The following DEFB123 variants were observed in gnomAD, a reference collection of about 807,000 sequenced individuals.
The protein encoded by DEFB123 is beta-defensin 123.
For synonymous variants in DEFB123, 22 were observed against 28.3 expected, an observed-to-expected ratio of 0.78 and a Z score of 0.71; for missense variants, 71 against 75.0, an observed-to-expected ratio of 0.95 and a Z score of 0.20.
At chr20:31,446,621 T>C (rs1271318406) in intron 1 of DEFB123, among the ~76,000 whole-genome samples, 2 of 152,250 alleles carry the variant, frequency 1.3e-5, no homozygotes, top group African/African-American at 4.8e-5. Flanking sequence ...GCCGGTCTTG[T>C]GCAGTTCCTG....
chr20:31,449,442 C>T (rs1163809957), intron 1 of DEFB123, among the ~76,000 whole-genome samples: 3 of 152,128 alleles, frequency 2.0e-5, no homozygotes, highest in Admixed American at 1.3e-4. Context: ...CTAAATGCTG[C>T]AGATTTTACA....
At chr20:31,442,142 A>C (rs990861370) in intron 1 of DEFB123, among the ~76,000 whole-genome samples, 1 of 152,148 alleles carries the variant, frequency 6.6e-6, no homozygotes, top group Non-Finnish European at 1.5e-5. Flanking sequence ...CTTACAACCC[A>C]GGGTGACAAG....
At chr20:31,441,235 A>T (rs577516978) in intron 1 of DEFB123, among the ~76,000 whole-genome samples, 10 of 152,300 alleles carry the variant, frequency 6.6e-5, no homozygotes, top group Admixed American at 4.6e-4. Context: ...GGAGACAGTT[A>T]AATAGCATTT....
intron 1 of DEFB123, among the ~76,000 whole-genome samples, chr20:31,445,037 T>G (rs909862021): frequency 3.9e-5 from 6 of 152,226 alleles, no homozygotes; most frequent in Non-Finnish European, 8.8e-5. Flanking sequence ...TTTCTTATCT[T>G]TACAAGTTAT....
At chr20:31,447,887 C>T (rs548544064) in intron 1 of DEFB123, among the ~76,000 whole-genome samples, 2 of 149,376 alleles carry the variant, frequency 1.3e-5, no homozygotes, top group South Asian at 2.1e-4. Flanking sequence ...CCCGGGTTCA[C>T]GCCATTGTCC....
chr20:31,442,871 G>A (rs1356098861), intron 1 of DEFB123, among the ~76,000 whole-genome samples: 1 of 152,084 alleles, frequency 6.6e-6, no homozygotes, highest in Non-Finnish European at 1.5e-5. Context: ...GCCTCCCAAA[G>A]TGCTGGGATT....
At position 31,450,232 on chromosome 20, in the gene DEFB123, C is replaced by G; in HGVS notation, c.*58C>G. 3 of 1,544,794 alleles carry G rather than the reference C, an allele frequency of 1.9e-6. No individual in the cohort carries two copies. Among genetic ancestry groups the G allele is most frequent in the South Asian group, 2.6e-5 (2 of 77,870 alleles). The stretch of plus-strand genomic sequence containing the variant: ...ATGAAGCTCCCAGTGGATTCCCACA[C>G]TCTATCAATAAACACCTCTGGCTGA... On this transcript the variant is annotated 3_prime_UTR_variant, in exon 2 of 2. Transcript: ENST00000376309.
chr20:31,441,282 C>A (rs2122407805), intron 1 of DEFB123, among the ~76,000 whole-genome samples: 1 of 152,146 alleles, frequency 6.6e-6, no homozygotes, highest in Middle Eastern at 3.4e-3. Flanking sequence ...AGTGGGAAAC[C>A]AGGGGGCTGG....
At chr20:31,448,961 C>T (rs1979664816) in intron 1 of DEFB123, among the ~76,000 whole-genome samples, 1 of 150,452 alleles carries the variant, frequency 6.6e-6, no homozygotes, top group Non-Finnish European at 1.5e-5. Flanking sequence ...CTCCTGACCT[C>T]AGGTGATCCA....
intron 1 of DEFB123, among the ~76,000 whole-genome samples, chr20:31,444,465 A>T (rs1979536170): frequency 6.6e-6 from 1 of 152,140 alleles, no homozygotes; most frequent in East Asian, 1.9e-4. Context: ...TAGGCCTCTC[A>T]GTCTATACAT....
chr20:31,441,203 G>A (rs886525018), intron 1 of DEFB123, among the ~76,000 whole-genome samples: 1 of 152,176 alleles, frequency 6.6e-6, no homozygotes, highest in African/African-American at 2.4e-5. Flanking sequence ...TAAATGACAT[G>A]GTGCCAGGGG....
In DEFB123 at chr20:31,446,671, G is replaced by C. The variant is rs532509072; in HGVS notation, c.59-3358G>C. On this transcript the variant is annotated intron_variant, in intron 1 of 1. Transcript: ENST00000376309. ...TTCGTTCTAAGTTTTACAGCAGACA[G>C]CTTCACCCCAGTCTCACCTCAAATA... 3.9e-5 allele frequency among the ~76,000 whole-genome samples: 6 copies of C among 152,278 alleles called. No individual in the cohort carries two copies. In the East Asian group the frequency reaches 1.2e-3, roughly 29 times the overall value.
intron 1 of DEFB123, 27 bp downstream of exon 1, chr20:31,440,783 G>T (rs777096151): frequency 1.2e-6 from 2 of 1,611,778 alleles, no homozygotes; most frequent in Admixed American, 3.3e-5. Flanking sequence ...TAAGGAAGGG[G>T]CAGGGCTTAG....
intron 1 of DEFB123, among the ~76,000 whole-genome samples, chr20:31,446,289 A>T (rs537794370): frequency 6.6e-6 from 1 of 152,372 alleles, no homozygotes; most frequent in Non-Finnish European, 1.5e-5. Context: ...AATTAACATC[A>T]GGCCTAGGCT....
chr20:31,445,840 C>T (rs1314161083), intron 1 of DEFB123, among the ~76,000 whole-genome samples: 1 of 152,166 alleles, frequency 6.6e-6, no homozygotes, highest in South Asian at 2.1e-4. Flanking sequence ...CGCACCCGGC[C>T]GACGAAATAA....
intron 1 of DEFB123, among the ~76,000 whole-genome samples, chr20:31,447,233 GC>G (rs1387014071): frequency 6.6e-6 from 1 of 152,036 alleles, no homozygotes; most frequent in Non-Finnish European, 1.5e-5. Context: ...TTGCACTCCA[GC>G]CTGGGCAACA....
At chr20:31,446,663 A>G (rs1384076010) in intron 1 of DEFB123, among the ~76,000 whole-genome samples, 2 of 152,226 alleles carry the variant, frequency 1.3e-5, no homozygotes, top group African/African-American at 4.8e-5. Context: ...TAAGTTTTAC[A>G]GCAGACAGCT....
chr20:31,440,832 G>C, intron 1 of DEFB123, 76 bp downstream of exon 1: 3 of 1,574,532 alleles, frequency 1.9e-6, no homozygotes, highest in Non-Finnish European at 8.7e-7. Context: ...GGGCTAGAAG[G>C]ATGGGCTGCA....
chr20:31,449,997 A>T (rs1235607649), intron 1 of DEFB123, 32 bp from the exon 2 acceptor site: 6 of 1,594,140 alleles, frequency 3.8e-6, no homozygotes, highest in Non-Finnish European at 5.1e-6. Context: ...GTTAGGACTG[A>T]TACTGTCTCC....
Sources: allele counts gnomAD v4.1 joint callset (sites outside exome capture counted in the v4.1 genomes callset), GRCh38; gene constraint gnomAD v4.1.1; transcripts MANE v1.5; gene names NCBI Gene and HGNC (gene_info 2026-07-23, HGNC 2026-07-21).